The following SLC22A2 variants were observed in gnomAD, a reference collection of about 807,000 sequenced individuals.
SLC22A2 encodes solute carrier family 22 member 2, also known as organic cation transporter 2.
In SLC22A2, 46 loss-of-function variants were observed where a neutral mutation model predicts 60.5. The ratio of observed to expected loss-of-function variants is 0.76; its 90% confidence interval spans 0.60 to 0.97. The LOEUF is 0.97. SLC22A2 is among the 50% of genes least tolerant of loss of function. The pLI is 0.00. For synonymous variants in SLC22A2, 303 were observed against 267.0 expected, an observed-to-expected ratio of 1.13 and a Z score of -1.31; for missense variants, 701 against 706.6, an observed-to-expected ratio of 0.99 and a Z score of 0.09.
chr6:160,229,223 C>T lies in SLC22A2; in HGVS notation c.1502-4419G>A, dbSNP rs191334409. On this transcript the variant is annotated intron_variant, in intron 9 of 10. Transcript: ENST00000366953. ...GTAAGTGGCCTCTCTTCACTCTCTT[C>T]TCCAACCTCTCTCACTATCCCTCAA... Among the ~76,000 whole-genome samples the T allele has an allele frequency of 2.9e-4, 44 of 152,062 alleles. 1 individual carries two copies. The South Asian group carries it at 6.2e-3, about 21-fold the overall frequency.
chr6:160,245,643 C>T (rs1783081878), intron 5 of SLC22A2, 98 bp from the exon 6 acceptor site: 2 of 585,904 alleles, frequency 3.4e-6, no homozygotes, highest in African/African-American at 1.9e-5. Flanking sequence ...CCTGAGCGCC[C>T]ATCTCATGCC....
At chr6:160,249,494 T>C in intron 3 of SLC22A2, 110 bp from the exon 4 acceptor site, 1 of 821,940 alleles carries the variant, frequency 1.2e-6, no homozygotes. Flanking sequence ...AATTCTAGAA[T>C]ATTCTACGCA....
intron 9 of SLC22A2, among the ~76,000 whole-genome samples, chr6:160,241,008 T>C (rs1039012773): frequency 2.6e-5 from 4 of 151,516 alleles, no homozygotes; most frequent in African/African-American, 9.7e-5. Context: ...GTTTTGAAAT[T>C]GCCTTTTGCA....
chr6:160,223,873 G>A (rs184165543), intron 10 of SLC22A2, among the ~76,000 whole-genome samples: 65 of 152,102 alleles, frequency 4.3e-4, no homozygotes, highest in African/African-American at 1.3e-3. Flanking sequence ...GATTACAGGC[G>A]CATACCACCA....
At chr6:160,248,201 G>T (rs1355533768) in intron 4 of SLC22A2, among the ~76,000 whole-genome samples, 1 of 152,124 alleles carries the variant, frequency 6.6e-6, no homozygotes, top group Non-Finnish European at 1.5e-5. Flanking sequence ...TGGAGAGTGG[G>T]GCCCCCAGAT....
intron 4 of SLC22A2, 65 bp downstream of exon 4, chr6:160,249,151 A>G: frequency 6.1e-6 from 7 of 1,151,686 alleles, no homozygotes; most frequent in Non-Finnish European, 8.7e-6. Context: ...TGCATTAAGG[A>G]AGGCAGACTT....
rs769944088 is a variant in SLC22A2 at position 160,250,676 on chromosome 6, G to C, written c.545C>G (p.Thr182Ser). The C allele has an allele frequency of 4.5e-5, 73 of 1,613,992 alleles. No individual in the cohort carries two copies. The highest frequency in any genetic ancestry group is 6.0e-5 in the Non-Finnish European group (71 of 1,179,966). The change falls in exon 3 of 11, where the codon ACT becomes AGT. Residue 182 changes from threonine (T) to serine (S), a missense_variant. Transcript: ENST00000366953. The stretch of plus-strand genomic sequence containing the variant: ...AGCTGCAGCATTTATGAGGACTGTA[G>C]TTAGGAGGCAGAGCTTACGGCCAAA... ...DRFGRKLCLL[T>S]TVLINAAAGV...
intron 9 of SLC22A2, among the ~76,000 whole-genome samples, chr6:160,233,952 C>A (rs536812854): frequency 9.2e-5 from 14 of 152,192 alleles, no homozygotes; most frequent in South Asian, 6.2e-4. Flanking sequence ...CCAAGCTAAG[C>A]CATCATATCC....
chr6:160,220,926 C>G (rs1317526214), intron 10 of SLC22A2, among the ~76,000 whole-genome samples: 1 of 152,182 alleles, frequency 6.6e-6, no homozygotes, highest in Non-Finnish European at 1.5e-5. Context: ...TAGCATAATT[C>G]TTAGGGACCC....
intron 9 of SLC22A2, among the ~76,000 whole-genome samples, chr6:160,231,834 C>T (rs2114855884): frequency 6.6e-6 from 1 of 152,030 alleles, no homozygotes; most frequent in Non-Finnish European, 1.5e-5. Flanking sequence ...TATGCTGGCT[C>T]TCCGTAACTC....
chr6:160,234,667 T>C (rs1243168368), intron 9 of SLC22A2, among the ~76,000 whole-genome samples: 1 of 152,244 alleles, frequency 6.6e-6, no homozygotes, highest in Non-Finnish European at 1.5e-5. Flanking sequence ...GTTTCCACCA[T>C]CCAACAGATA....
intron 10 of SLC22A2, among the ~76,000 whole-genome samples, chr6:160,218,795 A>G (rs1782585474): frequency 6.2e-4 from 1 of 1,624 alleles, no homozygotes; most frequent in South Asian, 0.015. Flanking sequence ...AATTTTAGCA[A>G]TAGCAGCAAC....
intron 9 of SLC22A2, among the ~76,000 whole-genome samples, chr6:160,239,662 T>C (rs315988): frequency 0.7 from 106,166 of 151,972 alleles, 38,939 homozygotes; most frequent in Admixed American, 0.82. Context: ...TACCTCCTCA[T>C]GATGAAAAGA....
chr6:160,243,333 G>A (rs575424711), intron 7 of SLC22A2, among the ~76,000 whole-genome samples: 35 of 152,184 alleles, frequency 2.3e-4, no homozygotes, highest in South Asian at 4.1e-4. Context: ...TTGATGGCCT[G>A]TAGCATGGGG....
intron 7 of SLC22A2, among the ~76,000 whole-genome samples, chr6:160,242,641 A>C (rs891861406): frequency 2.0e-5 from 3 of 152,180 alleles, no homozygotes; most frequent in African/African-American, 7.2e-5. Flanking sequence ...AGCAGTTTTA[A>C]GTTCACAGCA....
chr6:160,216,774 T>G lies in SLC22A2; in HGVS notation c.*658A>C, dbSNP rs1782543000. 6.6e-6 allele frequency: 1 copy of G among 152,120 alleles called. No individual in the cohort carries two copies. The highest frequency in any genetic ancestry group is 2.1e-4 in the South Asian group (1 of 4,834). 9.4% of individuals were successfully genotyped at this position (152,120 alleles called of 1,614,324 possible). ...CATCAATGGTTTTATAATGCTAACATTTTTTATTGAACTCTTCTCAAGGTC... is the reference window on the plus strand; with the variant it reads ...CATCAATGGTTTTATAATGCTAACAGTTTTTATTGAACTCTTCTCAAGGTC... On this transcript the variant is annotated 3_prime_UTR_variant, in exon 11 of 11. Coordinates refer to ENST00000366953, the MANE Select transcript of SLC22A2 (RefSeq NM_003058.4).
chr6:160,258,002 G>A (rs910657379), intron 1 of SLC22A2: 17 of 252,282 alleles, frequency 6.7e-5, no homozygotes, highest in East Asian at 3.7e-4. Flanking sequence ...GAGGAATAGA[G>A]GGGGAGGTAA....
Position 160,232,717 on chromosome 6 carries a change from G to T in SLC22A2, c.1502-7913C>A, listed in dbSNP as rs549724798. On this transcript the variant is annotated intron_variant, in intron 9 of 10. Transcript: ENST00000366953. ...TAGCTAAAAAAGCAGCCATCAAAAG[G>T]CATCAGATCCCATCACTCAGGACAA... is the stretch of plus-strand genomic sequence containing the variant. Among the ~76,000 whole-genome samples, 4 of 151,868 alleles carry T rather than the reference G, an allele frequency of 2.6e-5. No individual in the cohort carries two copies. The South Asian group carries it at 8.3e-4, about 32-fold the overall frequency.
At chr6:160,226,897 AG>A (rs1306065352) in intron 9 of SLC22A2, among the ~76,000 whole-genome samples, 6 of 152,088 alleles carry the variant, frequency 3.9e-5, no homozygotes, top group Non-Finnish European at 7.4e-5. Context: ...TCCCTTTTGG[AG>A]TTCAAGCACA....
Sources: gnomAD v4.1 joint callset for allele counts (sites outside exome capture counted in the v4.1 genomes callset) on GRCh38, gnomAD v4.1.1 for gene constraint, MANE v1.5 for transcripts, NCBI Gene and HGNC (gene_info 2026-07-23, HGNC 2026-07-21) for gene names.